The following GRIN2B variants were observed in gnomAD, a reference collection of about 807,000 sequenced individuals.
GRIN2B encodes glutamate receptor ionotropic, NMDA 2B.
A neutral mutation model predicts 114.5 loss-of-function variants in GRIN2B; 5 were observed. The observed-to-expected ratio is 0.04, with a 90% CI of 0.02 to 0.09. The LOEUF (loss-of-function observed/expected upper bound fraction) is 0.09, where lower values mean the gene tolerates loss of function less well. Among genes scored for constraint, GRIN2B ranks in the 10% least tolerant of loss-of-function variants. The probability of loss-of-function intolerance (pLI) is 1.00; values close to 1 mark genes in which losing one functional copy is unlikely to be tolerated. For missense variants in GRIN2B, 1,108 were observed against 1,943.5 expected (o/e 0.57, Z 8.08); for synonymous variants, 787 against 745.1 (o/e 1.06, Z -0.92).
At chr12:13,647,673 A>G (rs894300358) in intron 5 of GRIN2B, among the ~76,000 whole-genome samples, 3 of 152,080 alleles carry the variant, frequency 2.0e-5, no homozygotes, top group Non-Finnish European at 2.9e-5. Flanking sequence ...GCTGAATAGA[A>G]TAGAGGGGTA....
At chr12:13,923,649 T>C (rs1264104407) in intron 2 of GRIN2B, among the ~76,000 whole-genome samples, 1 of 152,164 alleles carries the variant, frequency 6.6e-6, no homozygotes, top group Non-Finnish European at 1.5e-5. Context: ...AAGGGATGAA[T>C]GTTCACAATA....
chr12:13,566,143 G>A (rs1806204), intron 13 of GRIN2B, among the ~76,000 whole-genome samples: 5 of 152,118 alleles, frequency 3.3e-5, no homozygotes, highest in Non-Finnish European at 4.4e-5. Context: ...GAAAGGACAC[G>A]GAGAAATTGT....
intron 5 of GRIN2B, among the ~76,000 whole-genome samples, chr12:13,630,638 A>G (rs974939913): frequency 1.3e-5 from 2 of 152,152 alleles, no homozygotes; most frequent in African/African-American, 2.4e-5. Flanking sequence ...TAGACCCACA[A>G]ATTAGGCCAT....
At chr12:13,613,126 C>G (rs1454522437) in intron 8 of GRIN2B, among the ~76,000 whole-genome samples, 1 of 152,118 alleles carries the variant, frequency 6.6e-6, no homozygotes, top group African/African-American at 2.4e-5. Flanking sequence ...GAGATGCGAG[C>G]GTAAGAGGTA....
intron 3 of GRIN2B, among the ~76,000 whole-genome samples, chr12:13,819,622 C>A (rs1008964921): frequency 1.3e-5 from 2 of 152,174 alleles, no homozygotes; most frequent in African/African-American, 4.8e-5. Context: ...ATGCTATAAT[C>A]AAACACATAA....
intron 2 of GRIN2B, among the ~76,000 whole-genome samples, chr12:13,959,741 C>G (rs945003623): frequency 6.7e-6 from 1 of 148,590 alleles, no homozygotes; most frequent in Non-Finnish European, 1.5e-5. Context: ...GGGAGAGGAA[C>G]AGTGGGTTTC....
rs61525874 is a variant in GRIN2B at position 13,954,811 on chromosome 12, G to GAAAAAAAAAAAAAAAAAAA, written c.-19+25116_-19+25117insTTTTTTTTTTTTTTTTTTT. On this transcript the variant is annotated intron_variant, in intron 2 of 13. Transcript: ENST00000609686. Reference sequence around the variant, plus strand: ...GTGACAGAGTGAGACTCCGTCTCAGGAAAAAAAAAAAAAAAAAACTTTTTC... The same window carrying GAAAAAAAAAAAAAAAAAAA: ...GTGACAGAGTGAGACTCCGTCTCAGGAAAAAAAAAAAAAAAAAAAAAAAAAAAAAAAAAAAAACTTTTTC... Among the ~76,000 whole-genome samples the GAAAAAAAAAAAAAAAAAAA allele has an allele frequency of 5.1e-3, 131 of 25,510 alleles. 24 individuals are homozygous for GAAAAAAAAAAAAAAAAAAA. The highest frequency in any genetic ancestry group is 7.0e-3 in the African/African-American group (63 of 9,044). 16.7% of individuals were successfully genotyped at this position (25,510 alleles called of 152,430 possible). A position where few individuals can be genotyped will look rare whatever the true frequency, so the allele number is the denominator to read the frequency against.
At position 13,547,981 on chromosome 12, in the gene GRIN2B, A is replaced by ATATATATATATTTTTTTTTTTTTTT; in HGVS notation, c.*14801_*14802insAAAAAAAAAAAAAAATATATATATA. The ATATATATATATTTTTTTTTTTTTTT allele has an allele frequency of 1.0e-3, 71 of 68,500 alleles. No individual in the cohort carries two copies. Among genetic ancestry groups the ATATATATATATTTTTTTTTTTTTTT allele is most frequent in the East Asian group, 5.8e-3 (10 of 1,720 alleles). The allele number at this position is 68,500 out of a possible 1,614,324, so 4.2% of individuals were successfully genotyped here. ...TGTGTATATATATATATATATATAT[A>ATATATATATATTTTTTTTTTTTTTT]TTTTTTTTTTTTTTCTGAAAGCTAC... On this transcript the variant is annotated 3_prime_UTR_variant, in exon 14 of 14. Transcript: ENST00000609686.
At chr12:13,918,780 T>C (rs114705359) in intron 2 of GRIN2B, among the ~76,000 whole-genome samples, 1 of 152,338 alleles carries the variant, frequency 6.6e-6, no homozygotes, top group African/African-American at 2.4e-5. Context: ...ACAGTAGTTG[T>C]AGTTTCAAAA....
chr12:13,697,161 G>A (rs578195718), intron 4 of GRIN2B, among the ~76,000 whole-genome samples: 1 of 152,238 alleles, frequency 6.6e-6, no homozygotes, highest in East Asian at 1.9e-4. Flanking sequence ...TTTGCTCTAA[G>A]ATGTAAATTC....
intron 2 of GRIN2B, among the ~76,000 whole-genome samples, chr12:13,948,320 A>T (rs1465946054): frequency 1.3e-5 from 2 of 152,140 alleles, no homozygotes; most frequent in Admixed American, 1.3e-4. Flanking sequence ...TAAATTCAAA[A>T]ATGGGCTGCG....
In GRIN2B at chr12:13,764,209, G is replaced by A. The variant is rs149866843; in HGVS notation, c.412-10294C>T. On this transcript the variant is annotated intron_variant, in intron 3 of 13. Coordinates refer to ENST00000609686, the MANE Select transcript of GRIN2B (RefSeq NM_000834.5). The stretch of plus-strand genomic sequence containing the variant: ...AAAAAAAAAAAAAAAAAGGATATTA[G>A]TTTAGAACGTACAGAATGCTAAGGA... 1.9e-4 allele frequency among the ~76,000 whole-genome samples: 29 copies of A among 149,666 alleles called. No homozygotes were observed. The East Asian group carries it at 5.5e-3, about 28-fold the overall frequency.
chr12:13,808,548 A>G (rs1330338651), intron 3 of GRIN2B, among the ~76,000 whole-genome samples: 1 of 151,634 alleles, frequency 6.6e-6, no homozygotes, highest in Non-Finnish European at 1.5e-5. Flanking sequence ...GAACAAGGAG[A>G]ACACTTAGAC....
chr12:13,843,103 A>T (rs2216345), intron 3 of GRIN2B, among the ~76,000 whole-genome samples: 1 of 133,536 alleles, frequency 7.5e-6, no homozygotes, highest in East Asian at 2.0e-4. Context: ...TAGGCTTGCT[A>T]CACTGGGGAA....
chr12:13,656,446 A>G (rs1949864647), intron 5 of GRIN2B, among the ~76,000 whole-genome samples: 1 of 152,338 alleles, frequency 6.6e-6, no homozygotes, highest in Middle Eastern at 3.4e-3. Context: ...CGAATCACCA[A>G]CGTTTCTTCC....
intron 10 of GRIN2B, among the ~76,000 whole-genome samples, chr12:13,602,294 T>A (rs935205410): frequency 3.9e-5 from 6 of 152,178 alleles, no homozygotes; most frequent in African/African-American, 2.4e-5. Context: ...TACATTTTGC[T>A]CAGCTACCTA....
At chr12:13,668,659 A>C (rs770591212) in intron 5 of GRIN2B, among the ~76,000 whole-genome samples, 3 of 152,108 alleles carry the variant, frequency 2.0e-5, no homozygotes, top group Non-Finnish European at 2.9e-5. Flanking sequence ...CATTGTCGTA[A>C]GTAAAACACA....
intron 10 of GRIN2B, among the ~76,000 whole-genome samples, chr12:13,574,360 A>C (rs551021357): frequency 6.6e-6 from 1 of 152,374 alleles, no homozygotes; most frequent in Admixed American, 6.5e-5. Context: ...TAACTATGGT[A>C]GATAGCAATA....
intron 8 of GRIN2B, among the ~76,000 whole-genome samples, chr12:13,612,280 T>A (rs1257847975): frequency 1.3e-5 from 2 of 152,212 alleles, no homozygotes; most frequent in African/African-American, 4.8e-5. Flanking sequence ...GCAGATACAG[T>A]CTTTCTCAAC....
Sources: allele counts gnomAD v4.1 joint callset (sites outside exome capture counted in the v4.1 genomes callset), GRCh38; gene constraint gnomAD v4.1.1; transcripts MANE v1.5; gene names NCBI Gene and HGNC (gene_info 2026-07-23, HGNC 2026-07-21).